The following BTBD10 variants were observed in gnomAD, a reference collection of about 807,000 sequenced individuals.
BTBD10 encodes BTB/POZ domain-containing protein 10.
Under a neutral mutation model 53.2 loss-of-function variants are expected in BTBD10, and 21 were observed. The ratio of observed to expected loss-of-function variants is 0.39; its 90% CI spans 0.28 to 0.57. The LOEUF (loss-of-function observed/expected upper bound fraction) is 0.57, where lower values mean the gene tolerates loss of function less well. BTBD10 is among the 20% of genes least tolerant of loss of function. The pLI is 0.53. For synonymous variants in BTBD10, 149 were observed against 192.7 expected, an observed-to-expected ratio of 0.77 and a Z score of 1.88; for missense variants, 360 against 594.7, an observed-to-expected ratio of 0.61 and a Z score of 4.10.
chr11:13,441,710 A>G (rs1950654486), intron 2 of BTBD10, among the ~76,000 whole-genome samples: 2 of 152,180 alleles, frequency 1.3e-5, no homozygotes, highest in African/African-American at 4.8e-5. Context: ...AAACATAAAT[A>G]GAACAAAACA....
Position 13,395,298 on chromosome 11 carries a change from G to A in BTBD10, c.1118-6157C>T, listed in dbSNP as rs540993750. Among the ~76,000 whole-genome samples the A allele has an allele frequency of 3.2e-3, 491 of 152,290 alleles. 1 individual carries two copies. Among genetic ancestry groups the A allele is most frequent in the Middle Eastern group, 0.01 (3 of 294 alleles). On this transcript the variant is annotated intron_variant, in intron 8 of 8. Transcript: ENST00000278174. ...TTGCATTTCTCTGATGGCCAGTGAT[G>A]ATGAGCTTTTTTTCATGTGTTTTTT...
At chr11:13,459,373 T>A (rs984623928) in intron 1 of BTBD10, among the ~76,000 whole-genome samples, 2 of 151,892 alleles carry the variant, frequency 1.3e-5, no homozygotes, top group Non-Finnish European at 2.9e-5. Flanking sequence ...ATTGCTACAT[T>A]CTTTAGCAAA....
intron 4 of BTBD10, among the ~76,000 whole-genome samples, chr11:13,418,535 C>G (rs1950172313): frequency 6.6e-6 from 1 of 151,864 alleles, no homozygotes; most frequent in South Asian, 2.1e-4. Context: ...CCCTATAATA[C>G]TAAAAATACA....
At position 13,421,602 on chromosome 11, in the gene BTBD10, T is replaced by A. The variant is rs753456881; in HGVS notation, c.298+40A>T. On this transcript the variant is annotated intron_variant, in intron 3 of 8. Coordinates refer to ENST00000278174, the MANE Select transcript of BTBD10 (RefSeq NM_032320.7). ...ACTACTTTAAAAAGGTAAATGCATG[T>A]TTTTAAGAACTGTTAGGAAGGTTAG... The A allele has an allele frequency of 6.5e-6, 10 of 1,540,184 alleles. No individual in the cohort carries two copies. In the South Asian group the frequency reaches 1.2e-4, roughly 18 times the overall value.
At chr11:13,404,171 A>G (rs1028923602) in intron 7 of BTBD10, among the ~76,000 whole-genome samples, 8 of 152,198 alleles carry the variant, frequency 5.3e-5, no homozygotes, top group Non-Finnish European at 1.2e-4. Flanking sequence ...TTGAAGATAA[A>G]GATTATTTTA....
At chr11:13,391,150 A>G (rs1949396210) in intron 8 of BTBD10, among the ~76,000 whole-genome samples, 1 of 152,202 alleles carries the variant, frequency 6.6e-6, no homozygotes, top group Non-Finnish European at 1.5e-5. Context: ...TACTCCTCAG[A>G]ATATTATACA....
chr11:13,409,521 C>T (rs1424041846), intron 6 of BTBD10, among the ~76,000 whole-genome samples: 1 of 152,132 alleles, frequency 6.6e-6, no homozygotes, highest in Non-Finnish European at 1.5e-5. Flanking sequence ...CCTTATTCCT[C>T]ACCACTCATA....
intron 6 of BTBD10, among the ~76,000 whole-genome samples, chr11:13,409,563 T>C (rs1949897263): frequency 6.6e-6 from 1 of 152,162 alleles, no homozygotes. Context: ...ACATTTGCCT[T>C]TTTTTGAGTA....
At chr11:13,397,574 C>T (rs1346458018) in intron 8 of BTBD10, among the ~76,000 whole-genome samples, 1 of 152,074 alleles carries the variant, frequency 6.6e-6, no homozygotes, top group Non-Finnish European at 1.5e-5. Context: ...TATTTCTTGC[C>T]TTCTGCCAGC....
At chr11:13,398,842 C>A (rs1243979763) in intron 8 of BTBD10, among the ~76,000 whole-genome samples, 24 of 152,158 alleles carry the variant, frequency 1.6e-4, no homozygotes, top group Middle Eastern at 3.4e-3. Context: ...GTTGAAAATT[C>A]TTTTCTTTAA....
In BTBD10 at chr11:13,410,526, C is replaced by T. The variant is rs139944755; in HGVS notation, c.808+3004G>A. On this transcript the variant is annotated intron_variant, in intron 6 of 8. Transcript: ENST00000278174. ...GCTGGGAATATAGACATGAGCCCCA[C>T]GTCCAGGGAAATGCCTTTAAAGACA... Among the ~76,000 whole-genome samples, 23 of 152,198 alleles carry T rather than the reference C, an allele frequency of 1.5e-4. No individual in the cohort carries two copies. In the East Asian group the frequency reaches 3.7e-3, roughly 24 times the overall value.
chr11:13,424,682 C>T (rs1404615332), intron 2 of BTBD10, among the ~76,000 whole-genome samples: 3 of 152,100 alleles, frequency 2.0e-5, no homozygotes, highest in African/African-American at 7.2e-5. Context: ...GCCCTAATAT[C>T]TATTTCCAGC....
Position 13,411,951 on chromosome 11 carries a change from C to A in BTBD10, c.808+1579G>T, listed in dbSNP as rs186905261. On this transcript the variant is annotated intron_variant, in intron 6 of 8. Coordinates refer to ENST00000278174, the MANE Select transcript of BTBD10 (RefSeq NM_032320.7). ...TGTTCAAGCAATTCTCCTGCCTCAG[C>A]CTCCCGAGTAGCTGGAATTACAGGC... Among the ~76,000 whole-genome samples the A allele has an allele frequency of 6.6e-5, 10 of 152,108 alleles. No individual in the cohort carries two copies. The East Asian group carries it at 1.8e-3, about 27-fold the overall frequency.
At chr11:13,460,008 C>G (rs1951059835) in intron 1 of BTBD10, among the ~76,000 whole-genome samples, 1 of 152,204 alleles carries the variant, frequency 6.6e-6, no homozygotes, top group Admixed American at 6.5e-5. Flanking sequence ...ACAAATTCCT[C>G]AGAAGTAGTC....
chr11:13,396,324 G>T (rs1299519367), intron 8 of BTBD10, among the ~76,000 whole-genome samples: 1 of 152,172 alleles, frequency 6.6e-6, no homozygotes, highest in African/African-American at 2.4e-5. Flanking sequence ...GTTCACTCAT[G>T]ATTTGGCTCT....
intron 1 of BTBD10, among the ~76,000 whole-genome samples, chr11:13,455,304 T>A (rs1366805710): frequency 6.6e-6 from 1 of 152,248 alleles, no homozygotes. Flanking sequence ...CAGAGGTGAT[T>A]TGGATATAAA....
intron 2 of BTBD10, among the ~76,000 whole-genome samples, chr11:13,423,756 T>C (rs987722693): frequency 1.2e-4 from 19 of 152,328 alleles, no homozygotes; most frequent in Middle Eastern, 3.4e-3. Flanking sequence ...TTTCTTTCAT[T>C]ATAAAAATCA....
intron 3 of BTBD10, among the ~76,000 whole-genome samples, chr11:13,420,677 AT>A (rs1458039432): frequency 3.9e-5 from 6 of 152,120 alleles, no homozygotes; most frequent in African/African-American, 1.4e-4. Context: ...AGCATTATTG[AT>A]TGTATAATTA....
chr11:13,400,203 A>T (rs1285800521), intron 8 of BTBD10, among the ~76,000 whole-genome samples: 1 of 152,128 alleles, frequency 6.6e-6, no homozygotes, highest in African/African-American at 2.4e-5. Flanking sequence ...ACCCAGTTCG[A>T]GCTTCCAGGC....
Sources: allele counts gnomAD v4.1 joint callset (sites outside exome capture counted in the v4.1 genomes callset), GRCh38; gene constraint gnomAD v4.1.1; transcripts MANE v1.5; gene names NCBI Gene and HGNC (gene_info 2026-07-23, HGNC 2026-07-21).